MYEF2: variants seen among roughly 807,000 people sequenced by gnomAD.
MYEF2 encodes myelin expression factor 2, also known as myelin gene expression factor 2.
A neutral mutation model predicts 75.2 loss-of-function variants in MYEF2; 37 were observed. The observed-to-expected ratio is 0.49, with a 90% CI of 0.38 to 0.65. MYEF2 has a LOEUF of 0.65. MYEF2 is among the 30% of genes least tolerant of loss of function. The pLI is 0.00. For synonymous variants in MYEF2, 195 were observed against 241.6 expected, an observed-to-expected ratio of 0.81 and a Z score of 1.79; for missense variants, 634 against 771.4, an observed-to-expected ratio of 0.82 and a Z score of 2.11.
intron 5 of MYEF2, among the ~76,000 whole-genome samples, chr15:48,163,050 C>A (rs1222804180): frequency 6.6e-6 from 1 of 152,120 alleles, no homozygotes; most frequent in Non-Finnish European, 1.5e-5. Flanking sequence ...AAAGTTCAGA[C>A]AGGTGAAAAG....
intron 16 of MYEF2, among the ~76,000 whole-genome samples, chr15:48,146,599 G>T (rs192901093): frequency 1.0e-3 from 153 of 151,908 alleles, no homozygotes; most frequent in Non-Finnish European, 1.9e-3. Flanking sequence ...AAGCAGAGGG[G>T]GTTGCCAGTG....
At position 48,149,314 on chromosome 15, in the gene MYEF2, C is replaced by A; in HGVS notation, c.1436G>T (p.Arg479Leu). Residue 479 changes from arginine to leucine, a missense_variant, in exon 15 of 17, where the codon CGG (arginine) becomes CTG (leucine). By Grantham distance (102) the Arg-to-Leu change is moderately radical (BLOSUM62 -2). Coordinates refer to ENST00000324324, the MANE Select transcript of MYEF2 (RefSeq NM_016132.5). The surrounding 1 kb of genome is among the most constrained non-coding windows in gnomAD (Gnocchi z 4.0). ...CATTCTATCAAAGCTGGAACTCATC[C>A]GGTCCAGTCCCATCCCCATTCCTCC... Reference protein sequence around the residue: ...VTGGMGMGLDRMSSSFDRMGP... With the variant: ...VTGGMGMGLDLMSSSFDRMGP... 6.2e-7 allele frequency: 1 copy of A among 1,612,990 alleles called. No homozygotes were observed. Among genetic ancestry groups the A allele is most frequent in the African/African-American group, 1.3e-5 (1 of 74,892 alleles).
intron 16 of MYEF2, among the ~76,000 whole-genome samples, chr15:48,143,716 C>G (rs1490714968): frequency 2.6e-5 from 4 of 151,990 alleles, no homozygotes; most frequent in African/African-American, 9.7e-5. Flanking sequence ...AAGGTAAAAA[C>G]AGTGATGTCA....
chr15:48,167,360 C>T lies in MYEF2; in HGVS notation c.412G>A (p.Gly138Arg). 1 of 1,613,168 alleles carries T rather than the reference C, an allele frequency of 6.2e-7. No individual in the cohort carries two copies. ...CCCACAGCACTTACCCTTGATTTTC[C>T]TTCCGCATCCTTAAAGAGCTCCACG... ...TYVELFKDAE[G>R]KSRGCGVVEF... Residue 138 changes from glycine to arginine, a missense_variant, in exon 3 of 17, where the codon GGA becomes AGA. Physicochemically the swap from Gly to Arg is moderately radical, Grantham distance 125. Coordinates refer to ENST00000324324, the MANE Select transcript of MYEF2 (RefSeq NM_016132.5).
In MYEF2 at chr15:48,135,764, G is replaced by A. The variant is rs957272375; in HGVS notation, c.*7144C>T. 6.6e-6 allele frequency: 1 copy of A among 151,924 alleles called. No individual in the cohort carries two copies. Among genetic ancestry groups the A allele is most frequent in the Non-Finnish European group, 1.5e-5 (1 of 67,982 alleles). 9.4% of individuals were successfully genotyped at this position (151,924 alleles called of 1,614,324 possible). A position where few individuals can be genotyped will look rare whatever the true frequency, so the allele number is the denominator to read the frequency against. On this transcript the variant is annotated 3_prime_UTR_variant, in exon 17 of 17. Transcript: ENST00000324324. ...TGGAGAACCATAACCTTGCAGCACGGCGTAATACCTGCTATCAAGAAACTT... is the reference window on the plus strand; with the variant it reads ...TGGAGAACCATAACCTTGCAGCACGACGTAATACCTGCTATCAAGAAACTT...
chr15:48,142,077 A>C lies in MYEF2; in HGVS notation c.*831T>G. The C allele has an allele frequency of 6.2e-7, 1 of 1,613,878 alleles. No homozygotes were observed. Among genetic ancestry groups the C allele is most frequent in the South Asian group, 1.1e-5 (1 of 91,072 alleles). On this transcript the variant is annotated 3_prime_UTR_variant, in exon 17 of 17. Coordinates refer to ENST00000324324, the MANE Select transcript of MYEF2 (RefSeq NM_016132.5). ...AACATCGTGGGATCCAATGTGTTTG[A>C]TATGTTGTGCCTTGGTATTCCATGG...
chr15:48,159,836 A>T (rs751149348), intron 5 of MYEF2, 32 bp from the exon 6 acceptor site: 1 of 1,569,320 alleles, frequency 6.4e-7, no homozygotes, highest in Middle Eastern at 1.7e-4. Flanking sequence ...AAATTCCACT[A>T]AATACATCAC....
intron 3 of MYEF2, among the ~76,000 whole-genome samples, chr15:48,166,463 C>T (rs907153421): frequency 6.6e-6 from 1 of 151,870 alleles, no homozygotes; most frequent in East Asian, 1.9e-4. Flanking sequence ...CTCCAATAGA[C>T]CTATCCTTCT....
intron 9 of MYEF2, among the ~76,000 whole-genome samples, chr15:48,155,547 CACTGCACTCACCA>C (rs879912706): frequency 3.9e-5 from 6 of 151,944 alleles, no homozygotes; most frequent in Non-Finnish European, 8.8e-5. Flanking sequence ...ACATATAGAT[CACTGCACTCACCA>C]ACTGTACCCA....
Position 48,142,253 on chromosome 15 carries a change from A to G in MYEF2, c.*655T>C. 6.2e-7 allele frequency: 1 copy of G among 1,613,760 alleles called. No individual in the cohort carries two copies. Among genetic ancestry groups the G allele is most frequent in the Non-Finnish European group, 8.5e-7 (1 of 1,179,772 alleles). On this transcript the variant is annotated 3_prime_UTR_variant, in exon 17 of 17. Coordinates refer to ENST00000324324, the MANE Select transcript of MYEF2 (RefSeq NM_016132.5). ...CTGGAAACTAGACAGAAAGTTGGGA[A>G]TAGTCTGCCTATTATCATACTTGGG...
chr15:48,159,438 G>A (rs1006178081), intron 6 of MYEF2, among the ~76,000 whole-genome samples, 175 bp downstream of exon 6: 2 of 152,060 alleles, frequency 1.3e-5, no homozygotes, highest in Non-Finnish European at 2.9e-5. Flanking sequence ...TTGTGCGTGT[G>A]TGTGTGTGTG....
chr15:48,144,170 A>G (rs190672004), intron 16 of MYEF2, among the ~76,000 whole-genome samples: 1 of 151,924 alleles, frequency 6.6e-6, no homozygotes, highest in East Asian at 1.9e-4. Flanking sequence ...CTAGGAAGGG[A>G]GGAGAAAAAA....
intron 1 of MYEF2, among the ~76,000 whole-genome samples, chr15:48,177,727 A>C (rs914076997): frequency 6.6e-6 from 1 of 152,280 alleles, no homozygotes; most frequent in African/African-American, 2.4e-5. Flanking sequence ...TGGTCCTTAA[A>C]GGGGGACCAT....
At chr15:48,171,300 C>T (rs1427347164) in intron 1 of MYEF2, among the ~76,000 whole-genome samples, 1 of 152,180 alleles carries the variant, frequency 6.6e-6, no homozygotes, top group African/African-American at 2.4e-5. Flanking sequence ...ACCCCTTCCC[C>T]TGCCTATTTT....
intron 16 of MYEF2, 147 bp downstream of exon 16, chr15:48,148,885 G>T: frequency 1.3e-6 from 1 of 754,018 alleles, no homozygotes; most frequent in Non-Finnish European, 2.3e-6. Context: ...TCATTTATTT[G>T]AAGTGGAATT....
intron 5 of MYEF2, among the ~76,000 whole-genome samples, chr15:48,164,491 A>G (rs965317329): frequency 7.9e-5 from 12 of 152,186 alleles, no homozygotes; most frequent in Non-Finnish European, 1.5e-4. Flanking sequence ...ACAACAAAGG[A>G]TTTAGAATAT....
rs2039402141 is a variant in MYEF2, at chr15:48,149,260, C to T, written c.1490G>A (p.Arg497Lys). The part of the protein sequence containing the change: ...MGPGIGAILE[R>K]SIDMDRGFLS... ...AAATCCTCGATCCATATCGATGCTC[C>T]TTTCCAGTATAGCTCCTATACCTGG... The change falls in exon 15 of 17, where the codon AGG becomes AAG. Residue 497 changes from arginine to lysine, a missense_variant. Physicochemically the swap from Arg to Lys is conservative, Grantham distance 26. Coordinates refer to ENST00000324324, the MANE Select transcript of MYEF2 (RefSeq NM_016132.5). This position sits in a 1 kb window ranked among gnomAD's most constrained non-coding sequence, Gnocchi z 4.0. The T allele has an allele frequency of 6.2e-7, 1 of 1,613,458 alleles. No homozygotes were observed. The highest frequency in any genetic ancestry group is 1.3e-5 in the African/African-American group (1 of 74,978).
Position 48,178,149 on chromosome 15 carries a change from C to T in MYEF2, c.89G>A (p.Arg30Gln). Residue 30 changes from arginine (R) to glutamine (Q), a missense_variant, in exon 1 of 17, where the codon CGG becomes CAG. Physicochemically the swap from Arg to Gln is conservative, Grantham distance 43 (BLOSUM62 1). Transcript: ENST00000324324. Reference protein sequence around the residue: ...LQPAEPPGEPRREPHPAEAEK... With the variant: ...LQPAEPPGEPQREPHPAEAEK... ...CGCCTCCGCGGGGTGCGGCTCTCGC[C>T]GCGGCTCGCCCGGCGGCTCTGCGGG... 15 of 1,569,832 alleles carry T rather than the reference C, an allele frequency of 9.6e-6. No homozygotes were observed. The highest frequency in any genetic ancestry group is 1.3e-5 in the Non-Finnish European group (15 of 1,158,810).
intron 11 of MYEF2, 137 bp downstream of exon 11, chr15:48,152,097 C>T: frequency 8.6e-7 from 1 of 1,166,236 alleles, no homozygotes; most frequent in Non-Finnish European, 1.3e-6. Flanking sequence ...ATGTACCAGG[C>T]TCAATTTCTG....
Sources: allele counts gnomAD v4.1 joint callset (sites outside exome capture counted in the v4.1 genomes callset), GRCh38; gene constraint gnomAD v4.1.1; non-coding constraint Gnocchi (gnomAD v3.1); transcripts MANE v1.5; gene names NCBI Gene and HGNC (gene_info 2026-07-23, HGNC 2026-07-21).